Variants in PTBP3 observed in about 807,000 individuals in gnomAD.
The protein encoded by PTBP3 is polypyrimidine tract-binding protein 3.
In PTBP3, 20 loss-of-function variants were observed where a neutral mutation model predicts 58.7. The ratio of observed to expected loss-of-function variants is 0.34; its 90% CI spans 0.24 to 0.50. The LOEUF (loss-of-function observed/expected upper bound fraction) is 0.50. PTBP3 is among the 20% of genes least tolerant of loss of function. The pLI is 0.98. For missense variants in PTBP3, 509 were observed against 637.2 expected (o/e 0.80, Z 2.17); for synonymous variants, 185 against 219.8 (o/e 0.84, Z 1.40).
intron 1 of PTBP3, among the ~76,000 whole-genome samples, chr9:112,305,427 T>C (rs947660966): frequency 6.6e-5 from 10 of 152,088 alleles, no homozygotes; most frequent in Non-Finnish European, 1.5e-4. Context: ...CAATAAATTA[T>C]TTATGCCTAT....
chr9:112,249,258 T>C (rs1836007214), intron 7 of PTBP3, among the ~76,000 whole-genome samples: 1 of 152,152 alleles, frequency 6.6e-6, no homozygotes, highest in South Asian at 2.1e-4. Flanking sequence ...CTTCAGTATG[T>C]ATAAATATTT....
intron 7 of PTBP3, among the ~76,000 whole-genome samples, chr9:112,245,466 G>T (rs1163713534): frequency 2.0e-5 from 3 of 152,080 alleles, no homozygotes; most frequent in Non-Finnish European, 4.4e-5. Context: ...AAGGGTGCTG[G>T]ACAGGAATCA....
chr9:112,330,088 G>T (rs1257024939), intron 1 of PTBP3, among the ~76,000 whole-genome samples: 1 of 152,002 alleles, frequency 6.6e-6, no homozygotes, highest in African/African-American at 2.4e-5. Flanking sequence ...CTGGGCTCAA[G>T]CAACCCGCCC....
chr9:112,254,245 C>T (rs1005818423), intron 5 of PTBP3, among the ~76,000 whole-genome samples: 7 of 152,118 alleles, frequency 4.6e-5, no homozygotes, highest in African/African-American at 9.7e-5. Flanking sequence ...CTTGGCCTTC[C>T]GAAGTGCTGG....
the PTBP3 span, among the ~76,000 whole-genome samples, chr9:112,351,399 G>C: frequency 3.3e-5 from 5 of 152,160 alleles, no homozygotes; most frequent in African/African-American, 1.2e-4. Context: ...CATATCAAGG[G>C]TCCTATTGTT....
chr9:112,374,060 G>A, the PTBP3 span, among the ~76,000 whole-genome samples: 2 of 152,142 alleles, frequency 1.3e-5, no homozygotes, highest in African/African-American at 4.8e-5. Flanking sequence ...GGATTGGGCT[G>A]CTGTAGTTTC....
intron 1 of PTBP3, among the ~76,000 whole-genome samples, chr9:112,327,226 A>G (rs1290269199): frequency 6.6e-6 from 1 of 151,080 alleles, no homozygotes; most frequent in African/African-American, 2.4e-5. Context: ...AAAAAAAAAT[A>G]GCAAATACGT....
Position 112,223,592 on chromosome 9 carries a change from A to G in PTBP3, c.*259T>C. 1 of 1,151,624 alleles carries G rather than the reference A, an allele frequency of 8.7e-7. No individual in the cohort carries two copies. Among genetic ancestry groups the G allele is most frequent in the Non-Finnish European group, 1.1e-6 (1 of 920,728 alleles). The allele number at this position is 1,151,624 out of a possible 1,614,324, so 71.3% of individuals were successfully genotyped here. A position where few individuals can be genotyped will look rare whatever the true frequency, so the allele number is the denominator to read the frequency against. ...ATATAGGGAATAAGATTATTGAAAA[A>G]AAATTTTTTTCCTGATTTTCTTTTT... On this transcript the variant is annotated 3_prime_UTR_variant, in exon 14 of 14. Transcript: ENST00000374257.
At chr9:112,229,213 A>G (rs1005345144) in intron 10 of PTBP3, among the ~76,000 whole-genome samples, 5 of 152,154 alleles carry the variant, frequency 3.3e-5, no homozygotes, top group Admixed American at 2.6e-4. Context: ...TTTTTCATCC[A>G]GTGTATTACA....
intron 9 of PTBP3, 98 bp downstream of exon 9, chr9:112,232,001 G>GAA (rs1564391718): frequency 4.7e-6 from 2 of 427,860 alleles, no homozygotes; most frequent in Non-Finnish European, 6.7e-6. Flanking sequence ...GAAGAGAAGA[G>GAA]AAGAGAAGAG....
chr9:112,316,984 A>C lies in PTBP3; in HGVS notation c.-52+16486T>G, dbSNP rs546285296. On this transcript the variant is annotated intron_variant, in intron 1 of 13. Coordinates refer to ENST00000374257, the MANE Select transcript of PTBP3 (RefSeq NM_001163788.4). ...GAGACACCATCTCAAAAAAAAAAAA[A>C]CAGTAAAGAAAAAGGCCAGGAACAG... Among the ~76,000 whole-genome samples the C allele has an allele frequency of 6.0e-5, 9 of 150,496 alleles. No individual in the cohort carries two copies. In the South Asian group the frequency reaches 1.3e-3, roughly 21 times the overall value.
intron 1 of PTBP3, among the ~76,000 whole-genome samples, chr9:112,328,100 C>A (rs1215466356): frequency 6.6e-6 from 1 of 152,198 alleles, no homozygotes; most frequent in Non-Finnish European, 1.5e-5. Flanking sequence ...TATTACTCTT[C>A]TGAATCCAGG....
chr9:112,337,767 T>C (rs1419723061), upstream of PTBP3, among the ~76,000 whole-genome samples: 1 of 152,248 alleles, frequency 6.6e-6, no homozygotes, highest in Non-Finnish European at 1.5e-5. Context: ...ACGATTATCT[T>C]TGGACAACAT....
chr9:112,317,411 G>C (rs1392314776), intron 1 of PTBP3, among the ~76,000 whole-genome samples: 1 of 150,708 alleles, frequency 6.6e-6, no homozygotes, highest in African/African-American at 2.4e-5. Context: ...CTAAAAGAAA[G>C]ATATCAAGTC....
intron 2 of PTBP3, among the ~76,000 whole-genome samples, chr9:112,296,747 C>G (rs1010002751): frequency 6.6e-6 from 1 of 152,146 alleles, no homozygotes; most frequent in African/African-American, 2.4e-5. Context: ...GAACCTGTGT[C>G]GTCCAACTCT....
chr9:112,282,789 AGCCT>A (rs1827931228), intron 2 of PTBP3, among the ~76,000 whole-genome samples: 1 of 152,176 alleles, frequency 6.6e-6, no homozygotes, highest in Non-Finnish European at 1.5e-5. Context: ...ACCCGGATAC[AGCCT>A]GCCTATCTTG....
At chr9:112,273,317 T>C (rs978785803) in intron 3 of PTBP3, among the ~76,000 whole-genome samples, 4 of 152,354 alleles carry the variant, frequency 2.6e-5, no homozygotes, top group Non-Finnish European at 4.4e-5. Context: ...GTGTCAGTAA[T>C]ATATTTTTTC....
At chr9:112,288,542 T>G (rs757619854) in intron 2 of PTBP3, among the ~76,000 whole-genome samples, 1 of 151,808 alleles carries the variant, frequency 6.6e-6, no homozygotes, top group Non-Finnish European at 1.5e-5. Flanking sequence ...GAAAGAAAAC[T>G]AGGGTGACAA....
intron 2 of PTBP3, among the ~76,000 whole-genome samples, chr9:112,284,419 GAC>G (rs1348671350): frequency 6.6e-6 from 1 of 152,220 alleles, no homozygotes; most frequent in East Asian, 1.9e-4. Flanking sequence ...TGACTGGCTA[GAC>G]ATGGTGGCTC....
Sources: gnomAD v4.1 joint callset for allele counts (sites outside exome capture counted in the v4.1 genomes callset) on GRCh38, gnomAD v4.1.1 for gene constraint, MANE v1.5 for transcripts, NCBI Gene and HGNC (gene_info 2026-07-23, HGNC 2026-07-21) for gene names.